CSMD1: variants seen among roughly 807,000 people sequenced by gnomAD.
The protein encoded by CSMD1 is CUB and sushi domain-containing protein 1.
Under a neutral mutation model 417.5 loss-of-function variants are expected in CSMD1, and 213 were observed. The ratio of observed to expected loss-of-function variants is 0.51; its 90% confidence interval spans 0.46 to 0.57. The LOEUF (loss-of-function observed/expected upper bound fraction) is 0.57. Among genes scored for constraint, CSMD1 ranks in the 20% least tolerant of loss-of-function variants. The pLI is 0.00. For synonymous variants in CSMD1, 2,862 were observed against 1,736.8 expected (o/e 1.65, Z -16.11); for missense variants, 6,923 against 4,529.7 (o/e 1.53, Z -15.17).
At chr8:3,108,303 T>G (rs1816277069) in intron 44 of CSMD1, among the ~76,000 whole-genome samples, 1 of 152,198 alleles carries the variant, frequency 6.6e-6, no homozygotes, top group Non-Finnish European at 1.5e-5. Context: ...CACCTTATCT[T>G]GAGACAGGGA....
At chr8:3,109,527 T>A (rs1181233396) in intron 43 of CSMD1, among the ~76,000 whole-genome samples, 1 of 152,160 alleles carries the variant, frequency 6.6e-6, no homozygotes, top group Non-Finnish European at 1.5e-5. Context: ...TCTTGCCCTC[T>A]GCTACTTTAT....
intron 3 of CSMD1, among the ~76,000 whole-genome samples, chr8:4,160,144 T>C (rs1797065817): frequency 1.3e-5 from 2 of 152,116 alleles, no homozygotes; most frequent in Admixed American, 1.3e-4. Context: ...TTCCAAGTAT[T>C]AACTTTGAAA....
At chr8:2,951,041 T>A (rs1195755322) in intron 66 of CSMD1, 73 bp downstream of exon 66, 8 of 1,478,056 alleles carry the variant, frequency 5.4e-6, no homozygotes, top group Non-Finnish European at 7.3e-6. Flanking sequence ...ACTTACTAGA[T>A]CACCTCTCTG....
At chr8:4,344,263 T>TA in intron 3 of CSMD1, among the ~76,000 whole-genome samples, 1 of 152,132 alleles carries the variant, frequency 6.6e-6, no homozygotes, top group Non-Finnish European at 1.5e-5. Context: ...TTACACGTGT[T>TA]CATTCAATTG....
chr8:4,659,706 C>T (rs1350303132), intron 1 of CSMD1, among the ~76,000 whole-genome samples: 1 of 152,060 alleles, frequency 6.6e-6, no homozygotes, highest in Non-Finnish European at 1.5e-5. Flanking sequence ...AACTGTTTCT[C>T]ATACAGATGG....
At position 4,823,031 on chromosome 8, in the gene CSMD1, C is replaced by T. The variant is rs543911798; in HGVS notation, c.85+171301G>A. ...TCACAATTTGCAGTTCTCATTCCAT[C>T]ACTGTGTCTGTGAAATGCATTTTTG... On this transcript the variant is annotated intron_variant, in intron 1 of 69. Transcript: ENST00000635120. Among the ~76,000 whole-genome samples, 4 of 152,194 alleles carry T rather than the reference C, an allele frequency of 2.6e-5. No homozygotes were observed. In the South Asian group the frequency reaches 8.3e-4, roughly 32 times the overall value.
intron 5 of CSMD1, among the ~76,000 whole-genome samples, chr8:3,809,120 C>T (rs1158287971): frequency 6.6e-6 from 1 of 152,116 alleles, no homozygotes; most frequent in African/African-American, 2.4e-5. Flanking sequence ...ATGCTCTGCC[C>T]TCTATTGGGA....
At chr8:4,680,973 TGTGAGA>T (rs1367758661) in intron 1 of CSMD1, among the ~76,000 whole-genome samples, 329 of 138,702 alleles carry the variant, frequency 2.4e-3, no homozygotes, top group Non-Finnish European at 3.9e-3. Flanking sequence ...TGTGTGTGTG[TGTGAGA>T]GAGAGAGAGA....
intron 35 of CSMD1, 121 bp from the exon 36 acceptor site, chr8:3,188,086 A>ATG (rs1796174967): frequency 6.8e-6 from 2 of 295,212 alleles, no homozygotes; most frequent in Non-Finnish European, 1.3e-5. Context: ...ACATATGTAT[A>ATG]TGTATATATA....
At chr8:4,589,328 G>GT (rs1219612994) in intron 2 of CSMD1, among the ~76,000 whole-genome samples, 7 of 152,116 alleles carry the variant, frequency 4.6e-5, no homozygotes, top group Middle Eastern at 3.2e-3. Context: ...CTTTAGCCAT[G>GT]TTTTTTCTGC....
chr8:4,562,354 G>A (rs537723245), intron 2 of CSMD1, among the ~76,000 whole-genome samples: 6 of 152,220 alleles, frequency 3.9e-5, no homozygotes, highest in African/African-American at 9.6e-5. Context: ...GGAAGAAGTG[G>A]CACACCAGAG....
chr8:3,619,611 A>G (rs1802320021), intron 7 of CSMD1, among the ~76,000 whole-genome samples: 1 of 152,196 alleles, frequency 6.6e-6, no homozygotes, highest in South Asian at 2.1e-4. Context: ...ATGAACACCT[A>G]GTAGGATAAA....
chr8:3,832,195 G>C (rs188601070), intron 5 of CSMD1, among the ~76,000 whole-genome samples: 5 of 152,150 alleles, frequency 3.3e-5, no homozygotes, highest in African/African-American at 1.2e-4. Context: ...GCTGAGTCAC[G>C]TGGGATGGAA....
At chr8:3,737,777 G>C (rs547357485) in intron 6 of CSMD1, among the ~76,000 whole-genome samples, 1 of 152,086 alleles carries the variant, frequency 6.6e-6, no homozygotes, top group African/African-American at 2.4e-5. Context: ...CCATGAAATC[G>C]TCTGAAATCA....
At chr8:3,212,831 CT>C (rs35152655) in intron 30 of CSMD1, among the ~76,000 whole-genome samples, 3,570 of 138,518 alleles carry the variant, frequency 0.026, 73 homozygotes, top group Non-Finnish European at 0.038. Flanking sequence ...TTCTTATATA[CT>C]TTTTTTTTTT....
chr8:4,036,556 G>A (rs1021190074), intron 3 of CSMD1, among the ~76,000 whole-genome samples: 1 of 152,090 alleles, frequency 6.6e-6, no homozygotes, highest in Non-Finnish European at 1.5e-5. Context: ...TATTTATTCT[G>A]TTCAATTTCA....
At chr8:3,773,788 C>T (rs901248138) in intron 5 of CSMD1, among the ~76,000 whole-genome samples, 1 of 152,162 alleles carries the variant, frequency 6.6e-6, no homozygotes, top group Non-Finnish European at 1.5e-5. Flanking sequence ...AAATATCATT[C>T]AAGTGGCAGG....
chr8:3,415,493 G>A (rs1447951437), intron 12 of CSMD1, among the ~76,000 whole-genome samples: 1 of 152,166 alleles, frequency 6.6e-6, no homozygotes, highest in East Asian at 1.9e-4. Flanking sequence ...GCATATCTGG[G>A]ATTATACGCA....
rs559892841 is a variant in CSMD1, at chr8:4,154,689, A to C, written c.416-122590T>G. On this transcript the variant is annotated intron_variant, in intron 3 of 69. Coordinates refer to ENST00000635120, the MANE Select transcript of CSMD1 (RefSeq NM_033225.6). ...AGTTGATAACCTGAGAATTCTCATTAAAAACGTACAAGGAAAAAGAGATCA... is the reference window on the plus strand; with the variant it reads ...AGTTGATAACCTGAGAATTCTCATTCAAAACGTACAAGGAAAAAGAGATCA... Among the ~76,000 whole-genome samples the C allele has an allele frequency of 8.5e-5, 13 of 152,340 alleles. No individual in the cohort carries two copies. The South Asian group carries it at 2.7e-3, about 32-fold the overall frequency.
Sources: gnomAD v4.1 joint callset for allele counts (sites outside exome capture counted in the v4.1 genomes callset) on GRCh38, gnomAD v4.1.1 for gene constraint, MANE v1.5 for transcripts, NCBI Gene and HGNC (gene_info 2026-07-23, HGNC 2026-07-21) for gene names.